TSHZ3: variants seen among roughly 807,000 people sequenced by gnomAD.
TSHZ3 encodes teashirt zinc finger homeobox 3, also known as teashirt homolog 3.
A neutral mutation model predicts 64.5 loss-of-function variants in TSHZ3; 10 were observed. That is an observed-to-expected ratio of 0.16 (90% confidence interval 0.10 to 0.26). TSHZ3 has a LOEUF of 0.26. Among genes scored for constraint, TSHZ3 ranks in the 10% least tolerant of loss-of-function variants. The pLI, the probability that TSHZ3 is intolerant of heterozygous loss-of-function variation, is 1.00. For missense variants in TSHZ3, 1,242 were observed against 1,421.7 expected, an observed-to-expected ratio of 0.87 and a Z score of 2.03; for synonymous variants, 608 against 593.1, an observed-to-expected ratio of 1.03 and a Z score of -0.36.
chr19:31,282,258 T>C (rs1976375312), intron 1 of TSHZ3, among the ~76,000 whole-genome samples: 1 of 150,756 alleles, frequency 6.6e-6, no homozygotes, highest in African/African-American at 2.4e-5. Flanking sequence ...TGGGTGAAGA[T>C]ATCAAAGCCC....
At position 31,249,987 on chromosome 19, in the gene TSHZ3, C is replaced by T. The variant is rs547445053; in HGVS notation, n.64-7112G>A. Among the ~76,000 whole-genome samples, 59 of 152,340 alleles carry T rather than the reference C, an allele frequency of 3.9e-4. 1 individual carries two copies. The highest frequency in any genetic ancestry group is 3.4e-3 in the Middle Eastern group (1 of 294). The stretch of plus-strand genomic sequence containing the variant: ...TCCCTGGAGCCTCGGTTCTCCTGGA[C>T]TCAGAGAGGGACATGAGCTGCTGCT... On this transcript the variant is annotated intron_variant and non_coding_transcript_variant, in intron 1 of 6. Transcript: ENST00000651361.
At chr19:31,229,475 A>T (rs1055768634) in intron 3 of TSHZ3, among the ~76,000 whole-genome samples, 4 of 152,196 alleles carry the variant, frequency 2.6e-5, no homozygotes, top group African/African-American at 9.7e-5. Flanking sequence ...ACTGCTTCAC[A>T]CCACATCCTA....
chr19:31,274,676 G>A (rs919479081), downstream of TSHZ3, among the ~76,000 whole-genome samples: 7 of 151,916 alleles, frequency 4.6e-5, no homozygotes, highest in Admixed American at 3.9e-4. Flanking sequence ...CTTCTGCACT[G>A]AGCATCTAAC....
intron 1 of TSHZ3, among the ~76,000 whole-genome samples, chr19:31,268,436 C>T (rs552375676): frequency 9.2e-5 from 14 of 152,190 alleles, no homozygotes; most frequent in Non-Finnish European, 1.6e-4. Context: ...AACCATGGCC[C>T]TTTTGGAGAT....
chr19:31,279,686 G>A lies in TSHZ3; in HGVS notation c.107C>T (p.Thr36Met), dbSNP rs201181883. 4.5e-5 allele frequency: 70 copies of A among 1,572,864 alleles called. No individual in the cohort carries two copies. The highest frequency in any genetic ancestry group is 3.9e-4 in the African/African-American group (29 of 73,778). The change falls in exon 2 of 2, where the codon ACG (threonine) becomes ATG (methionine). Residue 36 changes from threonine to methionine, a missense_variant. Around this residue, in one of 4 missense-constraint regions of TSHZ3, gnomAD observed 555 missense variants for 704.0 expected, o/e 0.79. Coordinates refer to ENST00000240587, the MANE Select transcript of TSHZ3 (RefSeq NM_020856.4). This position sits in a 1 kb window ranked among gnomAD's most constrained non-coding sequence, Gnocchi z 6.4. ...CTTGGCCGAGGGCTCTCCATCTGCC[G>A]TATGCTCCTCTGGGTCTAAACCTTC... The part of the protein sequence containing the change: ...VDEGLDPEEH[T>M]ADGEPSAKYM...
intron 1 of TSHZ3, among the ~76,000 whole-genome samples, chr19:31,310,456 T>C (rs1916426317): frequency 6.6e-6 from 1 of 152,122 alleles, no homozygotes; most frequent in Non-Finnish European, 1.5e-5. Context: ...ATCTGCTGCA[T>C]GGATGAATGG....
intron 5 of TSHZ3, among the ~76,000 whole-genome samples, chr19:31,182,764 C>T (rs1974737145): frequency 6.6e-6 from 1 of 152,098 alleles, no homozygotes; most frequent in South Asian, 2.1e-4. Flanking sequence ...CAAAAAAATA[C>T]ATATGTAAGA....
intron 5 of TSHZ3, among the ~76,000 whole-genome samples, chr19:31,183,178 T>TTC (rs750398873): frequency 0.022 from 2,515 of 116,318 alleles, 34 homozygotes; most frequent in Middle Eastern, 0.035. Context: ...TTCTATGAGA[T>TTC]TCTCTCTCTC....
chr19:31,228,180 A>G (rs1286961240), intron 3 of TSHZ3, among the ~76,000 whole-genome samples: 2 of 152,202 alleles, frequency 1.3e-5, no homozygotes, highest in Admixed American at 1.3e-4. Flanking sequence ...AGTTAAGTTA[A>G]GAGCTTCAAG....
chr19:31,243,191 T>C (rs1192230753), intron 1 of TSHZ3, among the ~76,000 whole-genome samples: 3 of 152,212 alleles, frequency 2.0e-5, no homozygotes, highest in African/African-American at 4.8e-5. Context: ...ACTGACTGTT[T>C]ATATGGATTA....
chr19:31,202,071 C>A (rs1270790664), intron 5 of TSHZ3, among the ~76,000 whole-genome samples: 1 of 152,024 alleles, frequency 6.6e-6, no homozygotes, highest in Non-Finnish European at 1.5e-5. Flanking sequence ...GAGACTGAGG[C>A]AGGAGAATCG....
downstream of TSHZ3, among the ~76,000 whole-genome samples, chr19:31,274,340 A>G (rs1316669187): frequency 6.6e-6 from 1 of 152,146 alleles, no homozygotes; most frequent in Non-Finnish European, 1.5e-5. Flanking sequence ...TGTGATTATC[A>G]TATAAATGCT....
chr19:31,181,052 A>G (rs566304507), intron 5 of TSHZ3, among the ~76,000 whole-genome samples: 1 of 152,232 alleles, frequency 6.6e-6, no homozygotes, highest in East Asian at 1.9e-4. Context: ...AGAGCTCATT[A>G]GGGGGAGAGA....
At position 31,196,637 on chromosome 19, in the gene TSHZ3, A is replaced by G. The variant is rs1229970437; in HGVS notation, n.809+8319T>C. Among the ~76,000 whole-genome samples, 3 of 152,116 alleles carry G rather than the reference A, an allele frequency of 2.0e-5. No homozygotes were observed. The East Asian group carries it at 5.8e-4, about 29-fold the overall frequency. On this transcript the variant is annotated intron_variant and non_coding_transcript_variant, in intron 5 of 6. Coordinates refer to the TSHZ3 transcript ENST00000651361. ...AAAGTAAATGGATGGAGAAAGACATACCATGCTAACACTAATCAAAAGAAA... is the reference window on the plus strand; with the variant it reads ...AAAGTAAATGGATGGAGAAAGACATGCCATGCTAACACTAATCAAAAGAAA...
intron 1 of TSHZ3, among the ~76,000 whole-genome samples, chr19:31,287,146 C>T (rs1173800492): frequency 1.3e-5 from 2 of 151,850 alleles, no homozygotes; most frequent in African/African-American, 4.8e-5. Flanking sequence ...ATGGGCAAGT[C>T]GTGGGTGGGA....
At position 31,292,841 on chromosome 19, in the gene TSHZ3, T is replaced by C. The variant is rs148590931; in HGVS notation, c.41-13089A>G. Among the ~76,000 whole-genome samples the C allele has an allele frequency of 1.7e-4, 25 of 150,178 alleles. No individual in the cohort carries two copies. The East Asian group carries it at 4.0e-3, about 24-fold the overall frequency. On this transcript the variant is annotated intron_variant, in intron 1 of 1. Transcript: ENST00000240587. ...ATCCATTCATCCATCCATATATCCCTCATCTGTTCATCTCATTCTTCTAGC... is the reference window on the plus strand; with the variant it reads ...ATCCATTCATCCATCCATATATCCCCCATCTGTTCATCTCATTCTTCTAGC...
intron 3 of TSHZ3, among the ~76,000 whole-genome samples, chr19:31,237,250 G>C (rs1010531354): frequency 3.3e-5 from 5 of 152,164 alleles, no homozygotes; most frequent in Non-Finnish European, 7.3e-5. Flanking sequence ...TTCAGTTTTG[G>C]AATACACTAG....
chr19:31,207,543 G>A (rs1025041685), intron 4 of TSHZ3: 3 of 152,052 alleles, frequency 2.0e-5, no homozygotes, highest in Admixed American at 6.6e-5. Context: ...GAAGAGCCTC[G>A]GAGATAATCT....
chr19:31,288,112 T>C (rs1976496930), intron 1 of TSHZ3, among the ~76,000 whole-genome samples: 2 of 152,080 alleles, frequency 1.3e-5, no homozygotes, highest in South Asian at 2.1e-4. Context: ...GAGTGCTTTA[T>C]TGTTTTTTGT....
Sources: allele counts gnomAD v4.1 joint callset (sites outside exome capture counted in the v4.1 genomes callset), GRCh38; gene constraint gnomAD v4.1.1; regional missense constraint gnomAD v4.1.1; non-coding constraint Gnocchi (gnomAD v3.1); transcripts MANE v1.5; gene names NCBI Gene and HGNC (gene_info 2026-07-23, HGNC 2026-07-21).